SLC44A2: variants seen among roughly 807,000 people sequenced by gnomAD.
SLC44A2 encodes solute carrier family 44 member 2 (CTL2 blood group).
Under a neutral mutation model 90.8 loss-of-function variants are expected in SLC44A2, and 57 were observed. The observed-to-expected ratio is 0.63, with a 90% confidence interval of 0.51 to 0.78. The LOEUF (loss-of-function observed/expected upper bound fraction) is 0.78. Among genes scored for constraint, SLC44A2 ranks in the 30% least tolerant of loss-of-function variants. The probability of loss-of-function intolerance (pLI) is 0.00; values close to 1 mark genes in which losing one functional copy is unlikely to be tolerated. For missense variants in SLC44A2, 794 were observed against 919.7 expected (o/e 0.86, Z 1.77); for synonymous variants, 355 against 360.7 (o/e 0.98, Z 0.18).
intron 21 of SLC44A2, chr19:10,642,971 T>C: frequency 6.3e-7 from 1 of 1,588,562 alleles, no homozygotes; most frequent in African/African-American, 1.4e-5. Context: ...AGACATCCTG[T>C]TGAAGGGGAG....
intron 9 of SLC44A2, 23 bp from the exon 10 acceptor site, chr19:10,632,021 C>T (rs748455568): frequency 6.2e-7 from 1 of 1,613,750 alleles, no homozygotes. Flanking sequence ...GGAGTCTGTT[C>T]ATGACCGTTT....
In SLC44A2 at chr19:10,631,097, G is replaced by A. The variant is rs752863591; in HGVS notation, c.286G>A (p.Ala96Thr). 6.8e-6 allele frequency: 11 copies of A among 1,613,632 alleles called. No individual in the cohort carries two copies. The East Asian group carries it at 2.2e-4, about 33-fold the overall frequency. The change falls in exon 5 of 22, where the codon GCC becomes ACC. Residue 96 changes from alanine to threonine, a missense_variant. By Grantham distance (58) the Ala-to-Thr change is moderately conservative. Transcript: ENST00000335757. ...GTTTTATTTCAACATTGTGAAATGT[G>A]CCAGCCCCCTGGTTCTGCTGGAATT... Reference protein sequence around the residue: ...YLFYFNIVKCASPLVLLEFQC... With the variant: ...YLFYFNIVKCTSPLVLLEFQC...
At chr19:10,631,418 T>C (rs199756191) in intron 6 of SLC44A2, 33 bp downstream of exon 6, 1 of 1,613,998 alleles carries the variant, frequency 6.2e-7, no homozygotes, top group Non-Finnish European at 8.5e-7. Flanking sequence ...AGCACAGGTA[T>C]GGGCAGTGGC....
intron 1 of SLC44A2, among the ~76,000 whole-genome samples, chr19:10,609,095 T>C (rs1350932613): frequency 6.6e-6 from 1 of 150,704 alleles, no homozygotes; most frequent in Admixed American, 6.7e-5. Flanking sequence ...GTAGCTGGGA[T>C]TACAGGCATG....
chr19:10,617,681 G>A (rs879448266), intron 1 of SLC44A2, among the ~76,000 whole-genome samples: 4 of 152,168 alleles, frequency 2.6e-5, no homozygotes, highest in Non-Finnish European at 4.4e-5. Context: ...GACTGGGAAC[G>A]GACCGCTCAA....
intron 8 of SLC44A2, 37 bp downstream of exon 8, chr19:10,631,786 T>C (rs1002925228): frequency 3.7e-6 from 6 of 1,613,992 alleles, no homozygotes; most frequent in African/African-American, 2.7e-5. Flanking sequence ...GGTCTCACTT[T>C]GCTGGGTGGG....
Position 10,631,865 on chromosome 19 carries a change from C to A in SLC44A2, c.627-3C>A. ...GACCCGAGCCTTGTCCTCCTTCCCC[C>A]AGGAAAGCCAATGGAGTCCTAGAGG... is the stretch of plus-strand genomic sequence containing the variant. On this transcript the variant is annotated splice_region_variant and splice_polypyrimidine_tract_variant and intron_variant, in intron 8 of 21. Transcript: ENST00000335757. The A allele has an allele frequency of 6.2e-7, 1 of 1,614,242 alleles. No individual in the cohort carries two copies. Among genetic ancestry groups the A allele is most frequent in the Non-Finnish European group, 8.5e-7 (1 of 1,180,032 alleles).
intron 1 of SLC44A2, among the ~76,000 whole-genome samples, chr19:10,617,984 G>A (rs532420657): frequency 3.3e-5 from 5 of 152,132 alleles, no homozygotes; most frequent in African/African-American, 1.2e-4. Context: ...TGAGTTTTCT[G>A]TGTTTGCGTG....
chr19:10,609,443 G>T (rs1446672502), intron 1 of SLC44A2, among the ~76,000 whole-genome samples: 1 of 151,792 alleles, frequency 6.6e-6, no homozygotes, highest in African/African-American at 2.4e-5. Context: ...GGGATTACAG[G>T]TGCACCTCAC....
intron 1 of SLC44A2, among the ~76,000 whole-genome samples, chr19:10,613,734 CG>C (rs2066832561): frequency 6.6e-6 from 1 of 151,998 alleles, no homozygotes. Context: ...CATGGAACGA[CG>C]GAAGCGAGGT....
At chr19:10,627,850 G>A (rs1452230508) in intron 3 of SLC44A2, 55 bp downstream of exon 3, 9 of 1,611,388 alleles carry the variant, frequency 5.6e-6, no homozygotes, top group East Asian at 2.2e-5. Flanking sequence ...GGCAGCCATG[G>A]CCTCTGGAGT....
intron 1 of SLC44A2, among the ~76,000 whole-genome samples, chr19:10,607,745 TTA>T (rs1192817533): frequency 1.6e-5 from 2 of 127,688 alleles, no homozygotes; most frequent in African/African-American, 2.8e-5. Context: ...ATTATTATTA[TTA>T]TTATTTTTTT....
intron 10 of SLC44A2, among the ~76,000 whole-genome samples, chr19:10,633,153 T>C (rs568998660): frequency 5.9e-4 from 90 of 151,964 alleles, no homozygotes; most frequent in African/African-American, 2.0e-3. Context: ...ATTTTTGTTG[T>C]TTTTGAGTTG....
chr19:10,612,545 C>T (rs1568443051), intron 1 of SLC44A2, among the ~76,000 whole-genome samples: 1 of 152,162 alleles, frequency 6.6e-6, no homozygotes, highest in South Asian at 2.1e-4. Flanking sequence ...GGGCAGCTGG[C>T]GATGCTCATT....
upstream of SLC44A2, among the ~76,000 whole-genome samples, chr19:10,624,808 C>G (rs2066917256): frequency 6.6e-6 from 1 of 152,186 alleles, no homozygotes; most frequent in Non-Finnish European, 1.5e-5. Flanking sequence ...CGGTGCCCCG[C>G]CCAAGGCCTG....
At chr19:10,602,651 G>T in intron 1 of SLC44A2, 1 of 1,163,048 alleles carries the variant, frequency 8.6e-7, no homozygotes. Context: ...CCTAGGCACC[G>T]GCGCTGCGGC....
At chr19:10,604,204 G>T (rs1370434203) in intron 1 of SLC44A2, among the ~76,000 whole-genome samples, 1 of 152,214 alleles carries the variant, frequency 6.6e-6, no homozygotes, top group Non-Finnish European at 1.5e-5. Context: ...GTGAAGCAAA[G>T]AACAAGACGT....
chr19:10,637,961 C>T, intron 18 of SLC44A2, 32 bp downstream of exon 18: 1 of 1,613,950 alleles, frequency 6.2e-7, no homozygotes, highest in Non-Finnish European at 8.5e-7. Context: ...CCTCCTGCCA[C>T]CCGCCTCTTC....
intron 20 of SLC44A2, chr19:10,641,385 C>A: frequency 4.5e-6 from 2 of 448,472 alleles, no homozygotes; most frequent in Non-Finnish European, 8.9e-6. Flanking sequence ...CACAGTGAGA[C>A]CCTGTCTCAA....
Sources: gnomAD v4.1 joint callset for allele counts (sites outside exome capture counted in the v4.1 genomes callset) on GRCh38, gnomAD v4.1.1 for gene constraint, MANE v1.5 for transcripts, NCBI Gene and HGNC (gene_info 2026-07-23, HGNC 2026-07-21) for gene names.